Variants in FCHSD2 observed in about 807,000 individuals in gnomAD.
FCHSD2 encodes F-BAR and double SH3 domains protein 2.
A neutral mutation model predicts 108.1 loss-of-function variants in FCHSD2; 38 were observed. That is an observed-to-expected ratio of 0.35 (90% CI 0.27 to 0.46). FCHSD2 has a LOEUF of 0.46. Among genes scored for constraint, FCHSD2 ranks in the 20% least tolerant of loss-of-function variants. FCHSD2 has a pLI of 1.00. For synonymous variants in FCHSD2, 279 were observed against 314.7 expected (o/e 0.89, Z 1.20); for missense variants, 751 against 897.8 (o/e 0.84, Z 2.09).
At chr11:72,940,307 A>T (rs1159399192) in intron 8 of FCHSD2, among the ~76,000 whole-genome samples, 1 of 152,212 alleles carries the variant, frequency 6.6e-6, no homozygotes, top group Non-Finnish European at 1.5e-5. Context: ...CCTTTTACAA[A>T]GCATGTTAGT....
rs1858385690 is a variant in FCHSD2, at chr11:73,032,520, TTGGCCTA to T, written c.166-16642_166-16636del. On this transcript the variant is annotated intron_variant, in intron 3 of 19. Transcript: ENST00000409418. Reference sequence around the variant, plus strand: ...GGATTACAGGTGTGAGCCACCATGCTTGGCCTATTTCTATCACTTAATTGCTCAGTAT... The same window carrying T: ...GGATTACAGGTGTGAGCCACCATGCTTTTCTATCACTTAATTGCTCAGTAT... 5.9e-5 allele frequency among the ~76,000 whole-genome samples: 9 copies of T among 152,128 alleles called. 1 individual carries two copies. In the South Asian group the frequency reaches 1.5e-3, roughly 25 times the overall value.
intron 8 of FCHSD2, among the ~76,000 whole-genome samples, chr11:72,922,716 TATAATA>T (rs916793533): frequency 8.6e-5 from 13 of 151,860 alleles, no homozygotes; most frequent in Non-Finnish European, 1.8e-4. Context: ...TATGGAAAAA[TATAATA>T]ATAATAATTA....
chr11:72,950,044 TTC>T (rs1006139913), intron 8 of FCHSD2, among the ~76,000 whole-genome samples: 39 of 152,322 alleles, frequency 2.6e-4, no homozygotes, highest in African/African-American at 9.4e-4. Flanking sequence ...ACTTGTTATT[TTC>T]TGTTTTTAAA....
chr11:73,118,110 C>T (rs1310274192), intron 2 of FCHSD2, among the ~76,000 whole-genome samples: 1 of 152,094 alleles, frequency 6.6e-6, no homozygotes, highest in Non-Finnish European at 1.5e-5. Context: ...GGAGGTCACG[C>T]ATTCCCGAGA....
At chr11:73,085,586 G>A (rs541686542) in intron 2 of FCHSD2, among the ~76,000 whole-genome samples, 1 of 152,050 alleles carries the variant, frequency 6.6e-6, no homozygotes, top group Non-Finnish European at 1.5e-5. Context: ...ATTTAAGGGA[G>A]AAATTGAAAA....
intron 10 of FCHSD2, chr11:72,900,221 C>CCCCTA: frequency 1.8e-6 from 1 of 566,854 alleles, no homozygotes; most frequent in Non-Finnish European, 3.4e-6. Context: ...ACCCACACTT[C>CCCCTA]CCATCCCTCC....
chr11:73,112,800 T>C (rs1860518193), intron 2 of FCHSD2, among the ~76,000 whole-genome samples: 1 of 152,052 alleles, frequency 6.6e-6, no homozygotes, highest in African/African-American at 2.4e-5. Context: ...AGGCATACAC[T>C]ATCATGCCTG....
chr11:73,096,152 TAGC>T (rs1565408070), intron 2 of FCHSD2, among the ~76,000 whole-genome samples: 1 of 151,940 alleles, frequency 6.6e-6, no homozygotes, highest in Non-Finnish European at 1.5e-5. Context: ...AAAAACATGG[TAGC>T]AGAAGGACAC....
chr11:72,972,003 C>T (rs560900003), intron 8 of FCHSD2, among the ~76,000 whole-genome samples: 1 of 151,966 alleles, frequency 6.6e-6, no homozygotes, highest in African/African-American at 2.4e-5. Context: ...CTCAACCAAC[C>T]CTATTTTAAA....
At chr11:73,061,300 C>T (rs574540233) in intron 3 of FCHSD2, among the ~76,000 whole-genome samples, 17 of 152,352 alleles carry the variant, frequency 1.1e-4, no homozygotes, top group Admixed American at 8.5e-4. Context: ...GCATGGTTTT[C>T]GCAAACTGCA....
intron 2 of FCHSD2, among the ~76,000 whole-genome samples, chr11:73,116,655 C>T (rs1380517255): frequency 5.9e-5 from 9 of 152,074 alleles, no homozygotes; most frequent in Non-Finnish European, 2.9e-5. Context: ...CCCGCGTCAG[C>T]CTCCCAAGTA....
chr11:72,896,787 AAAAG>A (rs1256979421), intron 10 of FCHSD2, among the ~76,000 whole-genome samples: 2 of 150,288 alleles, frequency 1.3e-5, no homozygotes, highest in African/African-American at 2.5e-5. Context: ...AAAAAAAAAA[AAAAG>A]AAAGAAATAT....
chr11:73,112,583 T>C (rs1337737865), intron 2 of FCHSD2, among the ~76,000 whole-genome samples: 6 of 152,206 alleles, frequency 3.9e-5, no homozygotes, highest in African/African-American at 1.4e-4. Flanking sequence ...AACTTTCTAC[T>C]CTGATCTCTC....
intron 13 of FCHSD2, among the ~76,000 whole-genome samples, chr11:72,863,228 G>A (rs1854639759): frequency 6.6e-6 from 1 of 151,808 alleles, no homozygotes; most frequent in East Asian, 1.9e-4. Context: ...TGGCAGGCCT[G>A]AATAACTGAT....
Position 72,959,477 on chromosome 11 carries a change from C to T in FCHSD2, c.705+24611G>A, listed in dbSNP as rs1031403752. Among the ~76,000 whole-genome samples the T allele has an allele frequency of 2.5e-3, 33 of 13,192 alleles. No homozygotes were observed. In the East Asian group the frequency reaches 0.41, roughly 162 times the overall value. The allele number at this position is 13,192 out of a possible 152,430, so 8.7% of individuals were successfully genotyped here. ...GTCTTGATCTCCTGACCTCATGATC[C>T]GCCCGCCTCGGCCTCCCAAAGTGCT... On this transcript the variant is annotated intron_variant, in intron 8 of 19. Coordinates refer to ENST00000409418, the MANE Select transcript of FCHSD2 (RefSeq NM_014824.3).
chr11:72,844,625 G>GT (rs986443219), intron 14 of FCHSD2, among the ~76,000 whole-genome samples: 7 of 152,170 alleles, frequency 4.6e-5, no homozygotes, highest in African/African-American at 1.7e-4. Context: ...CCTGTCATGT[G>GT]TAATAGACAG....
chr11:73,033,437 A>C (rs1383822527), intron 3 of FCHSD2, among the ~76,000 whole-genome samples: 1 of 152,224 alleles, frequency 6.6e-6, no homozygotes, highest in Non-Finnish European at 1.5e-5. Context: ...AATTATGAAC[A>C]GAAGAGACAG....
chr11:72,995,180 T>C (rs1460246438), intron 5 of FCHSD2, among the ~76,000 whole-genome samples: 1 of 152,206 alleles, frequency 6.6e-6, no homozygotes, highest in Non-Finnish European at 1.5e-5. Flanking sequence ...TATCGCCGAA[T>C]AGTATTTTGT....
At chr11:73,087,931 T>G (rs59105217) in intron 2 of FCHSD2, among the ~76,000 whole-genome samples, 86 of 152,220 alleles carry the variant, frequency 5.6e-4, no homozygotes, top group African/African-American at 2.0e-3. Context: ...CAAGCTGGAG[T>G]GCAGTGATGC....
Sources: gnomAD v4.1 joint callset for allele counts (sites outside exome capture counted in the v4.1 genomes callset) on GRCh38, gnomAD v4.1.1 for gene constraint, MANE v1.5 for transcripts, NCBI Gene and HGNC (gene_info 2026-07-23, HGNC 2026-07-21) for gene names.